Variants in TLK2 observed in about 807,000 individuals in gnomAD.
TLK2 encodes tousled like kinase 2, also known as serine/threonine-protein kinase tousled-like 2.
TLK2 carries 6 observed loss-of-function variants against 117.3 expected under a neutral mutation model. The ratio of observed to expected loss-of-function variants is 0.05; its 90% CI spans 0.03 to 0.10. The LOEUF (loss-of-function observed/expected upper bound fraction) is 0.10, where lower values mean the gene tolerates loss of function less well. Among genes scored for constraint, TLK2 ranks in the 10% least tolerant of loss-of-function variants. The pLI, the probability that TLK2 is intolerant of heterozygous loss-of-function variation, is 1.00. For synonymous variants in TLK2, 257 were observed against 316.7 expected (o/e 0.81, Z 2.00); for missense variants, 299 against 901.2 (o/e 0.33, Z 8.56).
At chr17:62,569,406 T>C (rs1183249332) in intron 11 of TLK2, among the ~76,000 whole-genome samples, 1 of 151,784 alleles carries the variant, frequency 6.6e-6, no homozygotes, top group Non-Finnish European at 1.5e-5. Context: ...TAAAATAATT[T>C]TGTTTAAATA....
In TLK2 at chr17:62,614,268, C is replaced by T. The variant is rs1304211651; in HGVS notation, c.*1703C>T. On this transcript the variant is annotated 3_prime_UTR_variant, in exon 22 of 22. Transcript: ENST00000346027. Reference sequence around the variant, plus strand: ...TGAAATGGGAGACGGGTGGCCCCACCGTGCCCTTGAAACAGCAGAGCACTC... The same window carrying T: ...TGAAATGGGAGACGGGTGGCCCCACTGTGCCCTTGAAACAGCAGAGCACTC... The T allele has an allele frequency of 2.0e-5, 3 of 152,146 alleles. No individual in the cohort carries two copies. Among genetic ancestry groups the T allele is most frequent in the African/African-American group, 2.4e-5 (1 of 41,418 alleles). The allele number at this position is 152,146 out of a possible 1,614,324, so 9.4% of individuals were successfully genotyped here.
chr17:62,520,890 G>T (rs1459156968), intron 3 of TLK2, 46 bp downstream of exon 3: 1 of 1,604,928 alleles, frequency 6.2e-7, no homozygotes, highest in Non-Finnish European at 8.5e-7. Flanking sequence ...TTGTACGTTT[G>T]GGCCAGGTTT....
chr17:62,566,232 G>A (rs1024512708), intron 11 of TLK2, among the ~76,000 whole-genome samples: 2 of 151,642 alleles, frequency 1.3e-5, no homozygotes, highest in African/African-American at 4.8e-5. Flanking sequence ...AGGGTCTATA[G>A]ACTGCCTTTC....
At chr17:62,503,162 C>G (rs2074360242) in intron 2 of TLK2, among the ~76,000 whole-genome samples, 1 of 151,174 alleles carries the variant, frequency 6.6e-6, no homozygotes, top group South Asian at 2.1e-4. Flanking sequence ...CAGGTTCACG[C>G]CATTCTCCTG....
intron 6 of TLK2, among the ~76,000 whole-genome samples, chr17:62,534,881 CTTTTTTTT>C (rs386386398): frequency 1.4e-5 from 1 of 72,988 alleles, no homozygotes; most frequent in Non-Finnish European, 2.4e-5. Flanking sequence ...TAATTCCAGT[CTTTTTTTT>C]TTTTTTTTTT....
intron 16 of TLK2, among the ~76,000 whole-genome samples, chr17:62,593,185 A>C (rs896781731): frequency 7.2e-5 from 11 of 152,182 alleles, no homozygotes; most frequent in African/African-American, 2.7e-4. Context: ...AGCATAGAAA[A>C]GGTGCAGTAA....
chr17:62,498,434 G>A (rs1489256102), intron 2 of TLK2, among the ~76,000 whole-genome samples: 1 of 150,470 alleles, frequency 6.6e-6, no homozygotes, highest in African/African-American at 2.5e-5. Flanking sequence ...CTGTCGCCCA[G>A]GCTGTAGTGC....
intron 2 of TLK2, among the ~76,000 whole-genome samples, chr17:62,494,960 G>A (rs997923552): frequency 1.3e-5 from 2 of 152,082 alleles, no homozygotes; most frequent in African/African-American, 4.8e-5. Flanking sequence ...GAGGTGAGGA[G>A]TTTAAGACCA....
In TLK2 at chr17:62,552,548, G is replaced by A; in HGVS notation, c.627+151G>A. ...TATTATATTCATAACTTGCATTATG[G>A]GTATTTAAAGTCCTTTGGAAGGTGC... On this transcript the variant is annotated intron_variant, in intron 8 of 21. Transcript: ENST00000346027. 2.2e-6 allele frequency: 3 copies of A among 1,358,086 alleles called. No individual in the cohort carries two copies. The South Asian group carries it at 4.6e-5, about 21-fold the overall frequency. 84.1% of individuals were successfully genotyped at this position (1,358,086 alleles called of 1,614,324 possible).
chr17:62,544,812 A>G (rs964208276), intron 7 of TLK2, among the ~76,000 whole-genome samples: 1 of 152,212 alleles, frequency 6.6e-6, no homozygotes, highest in Non-Finnish European at 1.5e-5. Flanking sequence ...CCTTTTTAAC[A>G]GTATTAAGTC....
chr17:62,573,287 T>A lies in TLK2; in HGVS notation c.1041T>A (p.Pro347=), dbSNP rs747223646. 19 of 1,613,890 alleles carry A rather than the reference T, an allele frequency of 1.2e-5. No individual in the cohort carries two copies. Among genetic ancestry groups the A allele is most frequent in the Non-Finnish European group, 1.5e-5 (18 of 1,179,968 alleles). The change falls in exon 12 of 22, where the codon CCT becomes CCA. Residue 347 remains proline, a synonymous_variant. Coordinates refer to ENST00000346027, the MANE Select transcript of TLK2 (RefSeq NM_006852.6). The stretch of plus-strand genomic sequence containing the variant: ...GGAAAATGTTAGCAAAGCGGAAACC[T>A]CCTGCCATGGGTCAGGCCCCTCCTG... The part of the protein sequence containing the change: ...RQRKMLAKRK[P]PAMGQAPPAT...
At chr17:62,594,990 C>CT (rs1429808765) in intron 16 of TLK2, among the ~76,000 whole-genome samples, 10 of 152,278 alleles carry the variant, frequency 6.6e-5, no homozygotes, top group Admixed American at 6.5e-4. Context: ...GAGACGGAGT[C>CT]TAACTTTATC....
At chr17:62,479,536 G>T (rs898926458) in intron 1 of TLK2, among the ~76,000 whole-genome samples, 1 of 152,042 alleles carries the variant, frequency 6.6e-6, no homozygotes, top group Non-Finnish European at 1.5e-5. Flanking sequence ...GAGGAGAGAC[G>T]GGGGCCCCCA....
chr17:62,549,116 G>A (rs2078181834), intron 7 of TLK2, among the ~76,000 whole-genome samples: 2 of 148,898 alleles, frequency 1.3e-5, no homozygotes, highest in Non-Finnish European at 1.5e-5. Flanking sequence ...TTGTAGGGCC[G>A]GGCGCGGTGG....
intron 7 of TLK2, among the ~76,000 whole-genome samples, chr17:62,539,540 T>G (rs1328802107): frequency 6.7e-6 from 1 of 148,590 alleles, no homozygotes; most frequent in Non-Finnish European, 1.5e-5. Context: ...AGTGCAGTGG[T>G]GCAATCTCAG....
At chr17:62,566,108 T>C (rs2079766726) in intron 11 of TLK2, among the ~76,000 whole-genome samples, 1 of 152,230 alleles carries the variant, frequency 6.6e-6, no homozygotes, top group Non-Finnish European at 1.5e-5. Context: ...ATTCCAACTG[T>C]GTGACTAGCT....
At chr17:62,541,299 A>T (rs2077516656) in intron 7 of TLK2, among the ~76,000 whole-genome samples, 1 of 152,138 alleles carries the variant, frequency 6.6e-6, no homozygotes, top group African/African-American at 2.4e-5. Flanking sequence ...CAGGTCAAGG[A>T]CTTTGCTTTG....
intron 2 of TLK2, among the ~76,000 whole-genome samples, chr17:62,493,654 T>A (rs2073344527): frequency 6.6e-6 from 1 of 152,226 alleles, no homozygotes; most frequent in South Asian, 2.1e-4. Flanking sequence ...TGTTAACATA[T>A]GCAGATGAAC....
At chr17:62,600,893 G>A (rs2082823389) in intron 18 of TLK2, 73 bp downstream of exon 18, 4 of 1,405,520 alleles carry the variant, frequency 2.8e-6, no homozygotes, top group Admixed American at 4.9e-5. Flanking sequence ...ATTTGATAAA[G>A]TTAGAGAATT....
Sources: gnomAD v4.1 joint callset for allele counts (sites outside exome capture counted in the v4.1 genomes callset) on GRCh38, gnomAD v4.1.1 for gene constraint, MANE v1.5 for transcripts, NCBI Gene and HGNC (gene_info 2026-07-23, HGNC 2026-07-21) for gene names.